PTPRN2: variants seen among roughly 807,000 people sequenced by gnomAD.
PTPRN2 encodes protein tyrosine phosphatase receptor type N2, also known as receptor-type tyrosine-protein phosphatase N2.
In PTPRN2, 74 loss-of-function variants were observed where a neutral mutation model predicts 118.8. The ratio of observed to expected loss-of-function variants is 0.62; its 90% CI spans 0.52 to 0.76. The LOEUF (loss-of-function observed/expected upper bound fraction) is 0.76. PTPRN2 is among the 30% of genes least tolerant of loss of function. The pLI is 0.00. For missense variants in PTPRN2, 1,481 were observed against 1,394.4 expected (o/e 1.06, Z -0.99); for synonymous variants, 641 against 608.0 (o/e 1.05, Z -0.80).
intron 12 of PTPRN2, among the ~76,000 whole-genome samples, chr7:157,738,778 T>G (rs2150958483): frequency 6.6e-6 from 1 of 152,130 alleles, no homozygotes; most frequent in South Asian, 2.1e-4. Context: ...GTTTTAGGGT[T>G]TTGTATGTAT....
chr7:158,333,756 C>A (rs1273684326), intron 2 of PTPRN2, among the ~76,000 whole-genome samples: 120 of 134,624 alleles, frequency 8.9e-4, no homozygotes, highest in African/African-American at 3.4e-3. Context: ...ACCATAAGAG[C>A]TGACACCCGC....
rs1433582215 is a variant in PTPRN2 at position 157,690,987 on chromosome 7, C to T, written c.1789-8050G>A. Among the ~76,000 whole-genome samples, 3 of 147,944 alleles carry T rather than the reference C, an allele frequency of 2.0e-5. No homozygotes were observed. ...GCACCAACCAGCGCGGCCGCCGCGCCCCGCCTTATATCCGGCCCGGCGCGC... is the reference window on the plus strand; with the variant it reads ...GCACCAACCAGCGCGGCCGCCGCGCTCCGCCTTATATCCGGCCCGGCGCGC... On this transcript the variant is annotated intron_variant, in intron 12 of 22. Transcript: ENST00000389418. This position sits in a 1 kb window ranked among gnomAD's most constrained non-coding sequence, Gnocchi z 7.1.
chr7:158,517,800 T>C lies in PTPRN2; in HGVS notation c.113-28015A>G. Among the ~76,000 whole-genome samples the C allele has an allele frequency of 6.6e-6, 1 of 151,304 alleles. No individual in the cohort carries two copies. The highest frequency in any genetic ancestry group is 1.5e-5 in the Non-Finnish European group (1 of 67,872). The stretch of plus-strand genomic sequence containing the variant: ...CATCCCCACCACAGCCAGGCAGGCC[T>C]CCCCAGGCACCTCCATCCCCTTCGT... On this transcript the variant is annotated intron_variant, in intron 1 of 22. Coordinates refer to ENST00000389418, the MANE Select transcript of PTPRN2 (RefSeq NM_002847.5). This position sits in a 1 kb window ranked among gnomAD's most constrained non-coding sequence, Gnocchi z 5.3.
Position 157,724,722 on chromosome 7 carries a change from C to T in PTPRN2, c.1789-41785G>A, listed in dbSNP as rs181441623. On this transcript the variant is annotated intron_variant, in intron 12 of 22. Transcript: ENST00000389418. ...AAGATATCAGGCCATTTCTTGACTACTGCCCTGAAAGTGAATAACAGCGTA... is the reference window on the plus strand; with the variant it reads ...AAGATATCAGGCCATTTCTTGACTATTGCCCTGAAAGTGAATAACAGCGTA... Among the ~76,000 whole-genome samples, 24 of 152,352 alleles carry T rather than the reference C, an allele frequency of 1.6e-4. No individual in the cohort carries two copies. The East Asian group carries it at 4.6e-3, about 29-fold the overall frequency.
chr7:158,252,147 C>T (rs1397911124), intron 3 of PTPRN2, among the ~76,000 whole-genome samples: 13 of 152,160 alleles, frequency 8.5e-5, no homozygotes, highest in South Asian at 2.1e-4. Context: ...CTCTGGTTGC[C>T]GCACAGCCTC....
intron 12 of PTPRN2, among the ~76,000 whole-genome samples, chr7:157,765,957 C>T (rs902039021): frequency 6.7e-6 from 1 of 149,044 alleles, no homozygotes; most frequent in Non-Finnish European, 1.5e-5. Flanking sequence ...ACCCATCCAT[C>T]CATCCTTCTT....
intron 2 of PTPRN2, among the ~76,000 whole-genome samples, chr7:158,361,563 C>T (rs1158756859): frequency 6.6e-6 from 1 of 152,228 alleles, no homozygotes; most frequent in East Asian, 1.9e-4. Flanking sequence ...CTCCAATATT[C>T]AGACCTGAGA....
intron 2 of PTPRN2, among the ~76,000 whole-genome samples, chr7:158,333,534 C>G (rs1219188232): frequency 7.3e-6 from 1 of 136,398 alleles, no homozygotes; most frequent in Non-Finnish European, 1.5e-5. Context: ...ACCTGACACT[C>G]GCAGACGTCA....
chr7:158,160,618 C>A (rs1391417699), intron 6 of PTPRN2, among the ~76,000 whole-genome samples: 2 of 152,200 alleles, frequency 1.3e-5, no homozygotes, highest in African/African-American at 4.8e-5. Context: ...AGCAGTGACC[C>A]ATCAGGGTTT....
At chr7:158,263,792 A>T (rs1467008241) in intron 3 of PTPRN2, among the ~76,000 whole-genome samples, 5 of 152,176 alleles carry the variant, frequency 3.3e-5, no homozygotes, top group Admixed American at 1.3e-4. Flanking sequence ...CCAGTTGTGG[A>T]CACCTCCCTG....
At chr7:157,841,350 G>A (rs1281585308) in intron 12 of PTPRN2, among the ~76,000 whole-genome samples, 2 of 152,218 alleles carry the variant, frequency 1.3e-5, no homozygotes, top group African/African-American at 2.4e-5. Context: ...GCCCCACATG[G>A]TGGGAAGCTC....
At chr7:157,773,890 C>T (rs1803035109) in intron 12 of PTPRN2, among the ~76,000 whole-genome samples, 1 of 152,276 alleles carries the variant, frequency 6.6e-6, no homozygotes, top group South Asian at 2.1e-4. Flanking sequence ...GAGAGCTCTA[C>T]ACAGCACATC....
chr7:158,432,279 G>A (rs1022266231), intron 2 of PTPRN2, among the ~76,000 whole-genome samples: 4 of 152,242 alleles, frequency 2.6e-5, no homozygotes, highest in East Asian at 1.9e-4. Context: ...GAGCCAGGGC[G>A]AAAGCACCGG....
chr7:158,164,578 T>A (rs1376175731), intron 6 of PTPRN2, among the ~76,000 whole-genome samples: 1 of 151,532 alleles, frequency 6.6e-6, no homozygotes, highest in South Asian at 2.1e-4. Flanking sequence ...AGAGCAGGAA[T>A]GCGTCCTATT....
chr7:158,438,692 A>G lies in PTPRN2; in HGVS notation c.163+51043T>C, dbSNP rs77236243. On this transcript the variant is annotated intron_variant, in intron 2 of 22. Coordinates refer to ENST00000389418, the MANE Select transcript of PTPRN2 (RefSeq NM_002847.5). This position sits in a 1 kb window ranked among gnomAD's most constrained non-coding sequence, Gnocchi z 4.7. Reference sequence around the variant, plus strand: ...GATGAATCGTGCTGTGTGAAAATACACTTTAGGCTGATGCCCAGCTGATTA... The same window carrying G: ...GATGAATCGTGCTGTGTGAAAATACGCTTTAGGCTGATGCCCAGCTGATTA... Among the ~76,000 whole-genome samples, 1 of 152,106 alleles carries G rather than the reference A, an allele frequency of 6.6e-6. No individual in the cohort carries two copies. The highest frequency in any genetic ancestry group is 2.4e-5 in the African/African-American group (1 of 41,430).
At chr7:157,694,228 G>T (rs901079675) in intron 12 of PTPRN2, among the ~76,000 whole-genome samples, 1 of 152,236 alleles carries the variant, frequency 6.6e-6, no homozygotes, top group African/African-American at 2.4e-5. Context: ...AAAGATGGGT[G>T]GGAGGTGGCA....
At chr7:158,460,967 T>G (rs1262669517) in intron 2 of PTPRN2, among the ~76,000 whole-genome samples, 2 of 152,178 alleles carry the variant, frequency 1.3e-5, no homozygotes, top group Admixed American at 1.3e-4. Flanking sequence ...TAAAGTTGGT[T>G]AGGAAAAATC....
intron 3 of PTPRN2, among the ~76,000 whole-genome samples, chr7:158,301,400 T>C (rs1800881613): frequency 6.6e-6 from 1 of 152,214 alleles, no homozygotes; most frequent in African/African-American, 2.4e-5. Flanking sequence ...GATGTATTTA[T>C]TCAGAATTCC....
intron 11 of PTPRN2, among the ~76,000 whole-genome samples, chr7:158,040,046 C>T (rs1808340513): frequency 1.3e-5 from 2 of 150,254 alleles, no homozygotes; most frequent in African/African-American, 4.9e-5. Context: ...TCAATAAAAA[C>T]TCCCCAAGAC....
Sources: allele counts gnomAD v4.1 joint callset (sites outside exome capture counted in the v4.1 genomes callset), GRCh38; gene constraint gnomAD v4.1.1; non-coding constraint Gnocchi (gnomAD v3.1); transcripts MANE v1.5; gene names NCBI Gene and HGNC (gene_info 2026-07-23, HGNC 2026-07-21).